The following UGT2B28 variants were observed in gnomAD, a reference collection of about 807,000 sequenced individuals.
UGT2B28 encodes the protein UDP glucuronosyltransferase family 2 member B28, also known as UDP-glucuronosyltransferase 2B28.
In UGT2B28, 45 loss-of-function variants were observed where a neutral mutation model predicts 43.6. The observed-to-expected ratio is 1.03, with a 90% CI of 0.81 to 1.32. UGT2B28 has a LOEUF of 1.32. Ranked by LOEUF, UGT2B28 falls within the 40% of genes most tolerant of loss-of-function variation. The pLI is 0.00. For synonymous variants in UGT2B28, 204 were observed against 208.1 expected (o/e 0.98, Z 0.17); for missense variants, 649 against 625.5 (o/e 1.04, Z -0.40).
intron 1 of UGT2B28, among the ~76,000 whole-genome samples, chr4:69,282,069 C>T (rs9997242): frequency 0.45 from 61,884 of 138,204 alleles, 19,499 homozygotes; most frequent in Non-Finnish European, 0.53. Context: ...ACTTGAAGAA[C>T]CAAAGATAAA....
chr4:69,284,983 G>T lies in UGT2B28; in HGVS notation c.871-1769G>T, dbSNP rs1158988556. ...GAAAATATTCACAAAATTAACATTA[G>T]AATTAATCCGACATCTTACATGAAA... On this transcript the variant is annotated intron_variant, in intron 2 of 5. Transcript: ENST00000335568. Among the ~76,000 whole-genome samples the T allele has an allele frequency of 3.6e-5, 5 of 139,508 alleles. 2 individuals are homozygous for T. Among genetic ancestry groups the T allele is most frequent in the Admixed American group, 1.4e-4 (2 of 13,842 alleles). The allele number at this position is 139,508 out of a possible 152,430, so 91.5% of individuals were successfully genotyped here.
Position 69,288,148 on chromosome 4 carries a change from G to C in UGT2B28, c.1002+1265G>C, listed in dbSNP as rs892287389. 9.4e-5 allele frequency among the ~76,000 whole-genome samples: 5 copies of C among 53,446 alleles called. 1 individual carries two copies. Among genetic ancestry groups the C allele is most frequent in the Admixed American group, 5.4e-4 (3 of 5,606 alleles). 35.1% of individuals were successfully genotyped at this position (53,446 alleles called of 152,430 possible). A position where few individuals can be genotyped will look rare whatever the true frequency, so the allele number is the denominator to read the frequency against. On this transcript the variant is annotated intron_variant, in intron 3 of 5. Transcript: ENST00000335568. ...GATTCCAACAGGCTCCTCATTTCTA[G>C]GCCAAAAAAAAAAAAAATCCAAAAT...
chr4:69,294,916 A>G lies in UGT2B28; in HGVS notation c.*107A>G. 2 of 1,313,664 alleles carry G rather than the reference A, an allele frequency of 1.5e-6. No homozygotes were observed. The highest frequency in any genetic ancestry group is 2.0e-6 in the Non-Finnish European group (2 of 1,018,452). 81.4% of individuals were successfully genotyped at this position (1,313,664 alleles called of 1,614,324 possible). A position where few individuals can be genotyped will look rare whatever the true frequency, so the allele number is the denominator to read the frequency against. On this transcript the variant is annotated 3_prime_UTR_variant, in exon 6 of 6. Transcript: ENST00000335568. Reference sequence around the variant, plus strand: ...GCAAGATTTCTTTCTTCCTGTGACAAAAAAAAAAACTTTTCAAAATCTACC... The same window carrying G: ...GCAAGATTTCTTTCTTCCTGTGACAGAAAAAAAAACTTTTCAAAATCTACC...
intron 1 of UGT2B28, 118 bp from the exon 2 acceptor site, chr4:69,282,396 T>A: frequency 9.4e-7 from 1 of 1,060,706 alleles, no homozygotes; most frequent in Admixed American, 3.6e-5. Flanking sequence ...TGTATATATT[T>A]TTCAAAGCAC....
At chr4:69,289,827 T>A in intron 4 of UGT2B28, 75 bp downstream of exon 4, 1 of 1,348,326 alleles carries the variant, frequency 7.4e-7, no homozygotes. Context: ...TCTTGAAACA[T>A]GCTTATTGAA....
In UGT2B28 at chr4:69,280,701, T is replaced by C; in HGVS notation, c.201T>C (p.Asn67=). Residue 67 remains asparagine, a synonymous_variant, in exon 1 of 6, where the codon AAT becomes AAC. Transcript: ENST00000335568. ...CAGCTTCCATTCTTTTTGATCCCAA[T>C]GACGCATTCACTCTTAAACTCGAAG... ...ASSASILFDP[N]DAFTLKLEVY... is the part of the protein sequence containing the mutation. 4 of 1,560,884 alleles carry C rather than the reference T, an allele frequency of 2.6e-6. 1 individual carries two copies. The highest frequency in any genetic ancestry group is 3.5e-6 in the Non-Finnish European group (4 of 1,155,958).
intron 2 of UGT2B28, among the ~76,000 whole-genome samples, chr4:69,285,872 C>T (rs916396665): frequency 7.1e-6 from 1 of 141,162 alleles, no homozygotes; most frequent in African/African-American, 2.8e-5. Context: ...GTGGCCTCTT[C>T]TATTCTGGTG....
rs1431692963 is a variant in UGT2B28, at chr4:69,281,080, A to G, written c.580A>G (p.Ile194Val). Reference sequence around the variant, plus strand: ...AGGACTGATTTTCCCTCCTTCCTACATACCTGTTGTTATGTCAAAATTAAG... The same window carrying G: ...AGGACTGATTTTCCCTCCTTCCTACGTACCTGTTGTTATGTCAAAATTAAG... ...SGGLIFPPSY[I>V]PVVMSKLSDQ... Residue 194 changes from isoleucine to valine, a missense_variant, in exon 1 of 6, where the codon ATA becomes GTA. Ile to Val is a conservative substitution (Grantham distance 29). Transcript: ENST00000335568. The G allele has an allele frequency of 1.3e-6, 2 of 1,559,706 alleles. 1 individual carries two copies. Among genetic ancestry groups the G allele is most frequent in the Non-Finnish European group, 1.7e-6 (2 of 1,155,446 alleles).
Position 69,290,645 on chromosome 4 carries a change from G to A in UGT2B28, c.1144G>A (p.Glu382Lys), listed in dbSNP as rs772329452. ...TCATGGTGGAGCCAATGGCATCTAT[G>A]AGGCAATCTACCATGGGATCCCTAT... ...ITHGGANGIYEAIYHGIPMVG... is the reference protein window; with the variant it reads ...ITHGGANGIYKAIYHGIPMVG... The change falls in exon 5 of 6, where the codon GAG (glutamate) becomes AAG (lysine). Residue 382 changes from glutamate (E) to lysine (K), a missense_variant. Physicochemically the swap from Glu to Lys is moderately conservative, Grantham distance 56. Transcript: ENST00000335568. The A allele has an allele frequency of 1.1e-5, 17 of 1,559,192 alleles. 1 individual carries two copies. Among genetic ancestry groups the A allele is most frequent in the African/African-American group, 1.5e-5 (1 of 65,790 alleles).
At position 69,284,137 on chromosome 4, in the gene UGT2B28, G is replaced by A. The variant is rs1186490082; in HGVS notation, c.870+1475G>A. 1.4e-5 allele frequency among the ~76,000 whole-genome samples: 2 copies of A among 139,748 alleles called. 1 individual carries two copies. Among genetic ancestry groups the A allele is most frequent in the Admixed American group, 1.4e-4 (2 of 13,932 alleles). 91.7% of individuals were successfully genotyped at this position (139,748 alleles called of 152,430 possible). A position where few individuals can be genotyped will look rare whatever the true frequency, so the allele number is the denominator to read the frequency against. The stretch of plus-strand genomic sequence containing the variant: ...CAAGCAACTCAGTAAAGCTTTCTGG[G>A]GGAACTTATCTCAACATCATAGGTG... On this transcript the variant is annotated intron_variant, in intron 2 of 5. Coordinates refer to ENST00000335568, the MANE Select transcript of UGT2B28 (RefSeq NM_053039.2).
chr4:69,286,091 C>T (rs1723765719), intron 2 of UGT2B28, among the ~76,000 whole-genome samples: 1 of 141,326 alleles, frequency 7.1e-6, no homozygotes, highest in South Asian at 2.4e-4. Flanking sequence ...ATAAAAATTC[C>T]AAATCACAAT....
chr4:69,290,603 ACC>A lies in UGT2B28; in HGVS notation c.1103_1104del (p.Thr368LysfsTer14), dbSNP rs1353720012. ...PQNDLLGLPK[T>X]RAFITHGGAN... Reference sequence around the variant, plus strand: ...TCATCCAATCCTAGGTCTTCCAAAAACCAGAGCTTTTATAACTCATGGTGGAG... The same window carrying A: ...TCATCCAATCCTAGGTCTTCCAAAAAAGAGCTTTTATAACTCATGGTGGAG... On this transcript the variant is annotated frameshift_variant, in exon 5 of 6. Coordinates refer to ENST00000335568, the MANE Select transcript of UGT2B28 (RefSeq NM_053039.2). LOFTEE classifies it high-confidence loss of function. The A allele has an allele frequency of 4.5e-6, 7 of 1,557,008 alleles. No individual in the cohort carries two copies. The highest frequency in any genetic ancestry group is 3.4e-4 in the Middle Eastern group (2 of 5,848).
rs1318521136 is a variant in UGT2B28, at chr4:69,284,884, C to T, written c.871-1868C>T. On this transcript the variant is annotated intron_variant, in intron 2 of 5. Transcript: ENST00000335568. ...AACTGCATCAAGTGTTTTAAAAATGCGTATTGTTATTAATTTTATAATATA... is the reference window on the plus strand; with the variant it reads ...AACTGCATCAAGTGTTTTAAAAATGTGTATTGTTATTAATTTTATAATATA... Among the ~76,000 whole-genome samples, 3 of 139,196 alleles carry T rather than the reference C, an allele frequency of 2.2e-5. 1 individual carries two copies. The highest frequency in any genetic ancestry group is 7.2e-5 in the Admixed American group (1 of 13,842). 91.3% of individuals were successfully genotyped at this position (139,196 alleles called of 152,430 possible). A position where few individuals can be genotyped will look rare whatever the true frequency, so the allele number is the denominator to read the frequency against.
chr4:69,289,657 T>C lies in UGT2B28; in HGVS notation c.1003-8T>C, dbSNP rs767474179. The C allele has an allele frequency of 7.8e-6, 12 of 1,542,792 alleles. No homozygotes were observed. Among genetic ancestry groups the C allele is most frequent in the Admixed American group, 1.9e-5 (1 of 53,360 alleles). On this transcript the variant is annotated splice_polypyrimidine_tract_variant and splice_region_variant and intron_variant, in intron 3 of 5. Transcript: ENST00000335568. ...TCATGGAATAAGATATTCTCTTTAC[T>C]GTAACAGGTTCTGTGGAGATTTGAT... is the stretch of plus-strand genomic sequence containing the variant.
chr4:69,287,510 T>G (rs1723813362), intron 3 of UGT2B28, among the ~76,000 whole-genome samples: 1 of 140,830 alleles, frequency 7.1e-6, no homozygotes, highest in Non-Finnish European at 1.5e-5. Context: ...AGTCAAATGC[T>G]TATGTGAAAT....
intron 2 of UGT2B28, among the ~76,000 whole-genome samples, chr4:69,284,480 G>T (rs1333706518): frequency 7.1e-6 from 1 of 139,914 alleles, no homozygotes; most frequent in Non-Finnish European, 1.5e-5. Flanking sequence ...CAAATTGTAT[G>T]GGCTTTATAT....
chr4:69,286,806 C>T lies in UGT2B28; in HGVS notation c.925C>T (p.Leu309=), dbSNP rs1389267064. 3 of 1,556,554 alleles carry T rather than the reference C, an allele frequency of 1.9e-6. No individual in the cohort carries two copies. In the Admixed American group the frequency reaches 5.4e-5, roughly 28 times the overall value. ...SGENGVVVFS[L]GSVISNMTAE... The stretch of plus-strand genomic sequence containing the variant: ...TGAAAATGGTGTTGTGGTGTTTTCT[C>T]TGGGGTCAGTGATAAGTAACATGAC... The change falls in exon 3 of 6, where the codon CTG becomes TTG. Residue 309 remains leucine (L), a synonymous_variant. Coordinates refer to ENST00000335568, the MANE Select transcript of UGT2B28 (RefSeq NM_053039.2).
In UGT2B28 at chr4:69,286,858, C is replaced by A; in HGVS notation, c.977C>A (p.Thr326Lys). Residue 326 changes from threonine to lysine, a missense_variant, in exon 3 of 6, where the codon ACA (threonine) becomes AAA (lysine). Transcript: ENST00000335568. ...MTAERANVIA[T>K]ALAKIPQKVL... ...GCAGAAAGGGCCAACGTAATTGCAA[C>A]AGCCCTTGCCAAGATCCCACAAAAG... The A allele has an allele frequency of 6.4e-7, 1 of 1,556,532 alleles. No homozygotes were observed. Among genetic ancestry groups the A allele is most frequent in the Non-Finnish European group, 8.7e-7 (1 of 1,154,290 alleles).
At chr4:69,282,493 T>G (rs1034351718) in intron 1 of UGT2B28, 21 bp from the exon 2 acceptor site, 1 of 1,533,244 alleles carries the variant, frequency 6.5e-7, no homozygotes, top group Non-Finnish European at 8.7e-7. Context: ...ATCCACTTTT[T>G]CTTTTCTTTA....
Sources: gnomAD v4.1 joint callset for allele counts (sites outside exome capture counted in the v4.1 genomes callset) on GRCh38, gnomAD v4.1.1 for gene constraint, MANE v1.5 for transcripts, NCBI Gene and HGNC (gene_info 2026-07-23, HGNC 2026-07-21) for gene names.